Variants in ANGPT2 observed in about 807,000 individuals in gnomAD.
ANGPT2 encodes the protein angiopoietin 2, also known as angiopoietin-2.
Under a neutral mutation model 62.9 loss-of-function variants are expected in ANGPT2, and 28 were observed. The ratio of observed to expected loss-of-function variants is 0.44; its 90% CI spans 0.33 to 0.61. The LOEUF is 0.61. ANGPT2 is among the 20% of genes least tolerant of loss of function. The probability of loss-of-function intolerance (pLI) is 0.03; values close to 1 mark genes in which losing one functional copy is unlikely to be tolerated. For missense variants in ANGPT2, 727 were observed against 594.9 expected (o/e 1.22, Z -2.31); for synonymous variants, 284 against 207.8 (o/e 1.37, Z -3.15).
At chr8:6,550,655 G>T (rs191233744) in intron 1 of ANGPT2, among the ~76,000 whole-genome samples, 4 of 152,290 alleles carry the variant, frequency 2.6e-5, no homozygotes, top group Non-Finnish European at 4.4e-5. Context: ...CACACGAGGG[G>T]GTGTGGATTT....
chr8:6,533,536 T>A (rs1819924289), intron 1 of ANGPT2, among the ~76,000 whole-genome samples: 1 of 151,788 alleles, frequency 6.6e-6, no homozygotes, highest in African/African-American at 2.4e-5. Context: ...AGTCATTGTG[T>A]ATGCGTAACT....
chr8:6,513,936 T>A, intron 6 of ANGPT2, 92 bp from the exon 7 acceptor site: 2 of 1,212,564 alleles, frequency 1.6e-6, no homozygotes, highest in Non-Finnish European at 2.3e-6. Context: ...ATAGAATAAC[T>A]ATCAAATAGC....
intron 8 of ANGPT2, among the ~76,000 whole-genome samples, chr8:6,505,366 T>TAACATATATATGTTATATACATATAGAA (rs1307026825): frequency 5.0e-5 from 4 of 79,712 alleles, no homozygotes; most frequent in Non-Finnish European, 9.5e-5. Flanking sequence ...TATATGTATA[T>TAACATATATATGTTATATACATATAGAA]AGAATATATA....
intron 3 of ANGPT2, among the ~76,000 whole-genome samples, chr8:6,525,353 C>T (rs1328277113): frequency 6.6e-6 from 1 of 152,120 alleles, no homozygotes; most frequent in Non-Finnish European, 1.5e-5. Context: ...CCTCAGCCAT[C>T]CAAATAGGAG....
intron 1 of ANGPT2, among the ~76,000 whole-genome samples, chr8:6,561,965 A>T (rs543815065): frequency 2.6e-5 from 4 of 152,272 alleles, no homozygotes; most frequent in African/African-American, 7.2e-5. Flanking sequence ...GTGGGGACGC[A>T]TTCCGCACCG....
rs1415606093 is a variant in ANGPT2 at position 6,505,406 on chromosome 8, A to G, written c.1328-2145T>C. On this transcript the variant is annotated intron_variant, in intron 8 of 8. Transcript: ENST00000629816. ...CTTTCTATATGTATATAGAATATAT[A>G]TATTCTTTATATACATAAAGAATAT... Among the ~76,000 whole-genome samples, 5 of 67,144 alleles carry G rather than the reference A, an allele frequency of 7.4e-5. 1 individual carries two copies. The highest frequency in any genetic ancestry group is 1.7e-4 in the Non-Finnish European group (5 of 29,598). 44.0% of individuals were successfully genotyped at this position (67,144 alleles called of 152,430 possible).
chr8:6,545,285 A>G (rs1315434305), intron 1 of ANGPT2, among the ~76,000 whole-genome samples: 1 of 152,196 alleles, frequency 6.6e-6, no homozygotes, highest in Non-Finnish European at 1.5e-5. Flanking sequence ...GTGAATCCAT[A>G]TTTTTAAAAG....
chr8:6,536,648 T>G (rs550146908), intron 1 of ANGPT2, among the ~76,000 whole-genome samples: 6 of 152,284 alleles, frequency 3.9e-5, no homozygotes, highest in African/African-American at 1.4e-4. Context: ...AGACTATGGA[T>G]GTCCATCATA....
chr8:6,560,804 A>G (rs1276470439), intron 1 of ANGPT2, among the ~76,000 whole-genome samples: 1 of 152,160 alleles, frequency 6.6e-6, no homozygotes, highest in Non-Finnish European at 1.5e-5. Flanking sequence ...TAGTTTACCT[A>G]AGAAAGAAAT....
rs1178219143 is a variant in ANGPT2, at chr8:6,554,183, A to G, written c.288+8464T>C. ...CTTATCACCAGATTAAACCACCTGG[A>G]TAGCCCACCTCAAGTCATCAAGAGT... On this transcript the variant is annotated intron_variant, in intron 1 of 8. Transcript: ENST00000629816. Among the ~76,000 whole-genome samples the G allele has an allele frequency of 2.0e-5, 3 of 151,178 alleles. No homozygotes were observed. The East Asian group carries it at 5.8e-4, about 29-fold the overall frequency.
chr8:6,511,128 A>C (rs1814994475), intron 7 of ANGPT2, among the ~76,000 whole-genome samples: 1 of 152,224 alleles, frequency 6.6e-6, no homozygotes, highest in Non-Finnish European at 1.5e-5. Context: ...CCCCAGAGGC[A>C]AGAAAAATAA....
chr8:6,527,813 G>T, intron 2 of ANGPT2, 137 bp from the exon 3 acceptor site: 5 of 857,886 alleles, frequency 5.8e-6, no homozygotes, highest in Non-Finnish European at 8.5e-6. Context: ...TCTTATTTTG[G>T]CATATTTTTC....
At chr8:6,552,290 G>A (rs1247656432) in intron 1 of ANGPT2, among the ~76,000 whole-genome samples, 6 of 152,212 alleles carry the variant, frequency 3.9e-5, no homozygotes, top group Admixed American at 3.9e-4. Flanking sequence ...AATTACATAT[G>A]ACGATGGAAT....
intron 3 of ANGPT2, among the ~76,000 whole-genome samples, chr8:6,522,151 T>G (rs974321511): frequency 6.6e-6 from 1 of 151,592 alleles, no homozygotes; most frequent in East Asian, 2.0e-4. Context: ...GTCGGGAGAT[T>G]GAGAGTATCC....
intron 1 of ANGPT2, among the ~76,000 whole-genome samples, chr8:6,549,363 G>T (rs1275539782): frequency 6.6e-6 from 1 of 152,256 alleles, no homozygotes; most frequent in African/African-American, 2.4e-5. Flanking sequence ...TGTACTGATT[G>T]TTCCAATTAC....
intron 1 of ANGPT2, among the ~76,000 whole-genome samples, chr8:6,545,889 T>C (rs1822496267): frequency 6.6e-6 from 1 of 152,258 alleles, no homozygotes; most frequent in Admixed American, 6.5e-5. Flanking sequence ...GCAATGCAAG[T>C]GTTTCTGACT....
chr8:6,561,969 C>T (rs116625035), intron 1 of ANGPT2, among the ~76,000 whole-genome samples: 1 of 152,158 alleles, frequency 6.6e-6, no homozygotes, highest in Non-Finnish European at 1.5e-5. Context: ...GGACGCATTC[C>T]GCACCGGTTG....
chr8:6,508,676 T>A, intron 8 of ANGPT2: 1 of 594,342 alleles, frequency 1.7e-6, no homozygotes, highest in African/African-American at 1.9e-5. Flanking sequence ...GAATCAAATA[T>A]CCCCTCTCCT....
intron 1 of ANGPT2, among the ~76,000 whole-genome samples, chr8:6,545,513 G>C (rs545802533): frequency 3.0e-4 from 46 of 152,198 alleles, no homozygotes; most frequent in Non-Finnish European, 6.0e-4. Context: ...CTTTGGAAAA[G>C]TAATTTTAAA....
Sources: allele counts gnomAD v4.1 joint callset (sites outside exome capture counted in the v4.1 genomes callset), GRCh38; gene constraint gnomAD v4.1.1; transcripts MANE v1.5; gene names NCBI Gene and HGNC (gene_info 2026-07-23, HGNC 2026-07-21).